Variants in BAZ1B observed in about 807,000 individuals in gnomAD.
The protein encoded by BAZ1B is tyrosine-protein kinase BAZ1B.
BAZ1B carries 22 observed loss-of-function variants against 153.8 expected under a neutral mutation model. That is an observed-to-expected ratio of 0.14 (90% CI 0.10 to 0.20). The LOEUF (loss-of-function observed/expected upper bound fraction) is 0.20, where lower values mean the gene tolerates loss of function less well. Among genes scored for constraint, BAZ1B ranks in the 10% least tolerant of loss-of-function variants. The pLI is 1.00. For missense variants in BAZ1B, 1,325 were observed against 1,799.3 expected, an observed-to-expected ratio of 0.74 and a Z score of 4.77; for synonymous variants, 676 against 633.4, an observed-to-expected ratio of 1.07 and a Z score of -1.01.
At chr7:73,510,638 C>G (rs1790541954) in intron 2 of BAZ1B, 98 bp downstream of exon 2, 2 of 1,157,288 alleles carry the variant, frequency 1.7e-6, no homozygotes, top group South Asian at 1.3e-5. Flanking sequence ...TAATTTGTGC[C>G]CCATAAACTT....
At chr7:73,494,426 A>C (rs1293560620) in intron 4 of BAZ1B, among the ~76,000 whole-genome samples, 27 of 152,056 alleles carry the variant, frequency 1.8e-4, no homozygotes, top group Admixed American at 1.3e-4. Flanking sequence ...ACTGAAGATA[A>C]GGAAATTGGA....
At chr7:73,499,558 C>T (rs1352965052) in intron 3 of BAZ1B, among the ~76,000 whole-genome samples, 2 of 152,062 alleles carry the variant, frequency 1.3e-5, no homozygotes, top group African/African-American at 4.8e-5. Context: ...TAAAATTAGC[C>T]AAGCATGATG....
rs782451163 is a variant in BAZ1B, at chr7:73,470,384, A to C, written c.2693T>G (p.Met898Arg). ...ATCTGTGCCAATAGGAGTCCTGCGC[A>C]TGACTAGTTTGGCCTTGGCAATCCC... ...QEGIAKAKLVMRRTPIGTDRN... is the reference protein window; with the variant it reads ...QEGIAKAKLVRRRTPIGTDRN... The change falls in exon 8 of 20, where the codon ATG becomes AGG. Residue 898 changes from methionine to arginine, a missense_variant. Around this residue, in one of 9 missense-constraint regions of BAZ1B, gnomAD observed 431 missense variants for 563.5 expected, o/e 0.76. Transcript: ENST00000339594. The C allele has an allele frequency of 2.5e-6, 4 of 1,614,140 alleles. No homozygotes were observed. The Admixed American group carries it at 6.7e-5, about 27-fold the overall frequency.
At chr7:73,502,140 C>T (rs548169535) in intron 3 of BAZ1B, among the ~76,000 whole-genome samples, 270 of 152,080 alleles carry the variant, frequency 1.8e-3, no homozygotes, top group Non-Finnish European at 2.8e-3. Flanking sequence ...CTGCCTGCCT[C>T]GGCCTCCCAA....
chr7:73,502,053 G>A (rs1277651244), intron 3 of BAZ1B, among the ~76,000 whole-genome samples: 8 of 151,884 alleles, frequency 5.3e-5, no homozygotes, highest in Admixed American at 2.6e-4. Context: ...ACCATGCCTG[G>A]CTAATTTTTG....
chr7:73,460,114 G>C (rs6980005), intron 12 of BAZ1B, among the ~76,000 whole-genome samples: 8 of 151,300 alleles, frequency 5.3e-5, no homozygotes, highest in African/African-American at 1.9e-4. Flanking sequence ...ACTTGAACCC[G>C]GGAGGAGGAG....
rs534221187 is a variant in BAZ1B at position 73,481,964 on chromosome 7, G to A, written c.892-3395C>T. On this transcript the variant is annotated intron_variant, in intron 6 of 19. Coordinates refer to ENST00000339594, the MANE Select transcript of BAZ1B (RefSeq NM_032408.4). ...TGAGGCAGGAGAATGGCGTGAACCC[G>A]GGAGGCGGAGCTCGCAGTGAGCCGA... is the stretch of plus-strand genomic sequence containing the variant. Among the ~76,000 whole-genome samples the A allele has an allele frequency of 1.4e-3, 208 of 152,268 alleles. 2 individuals are homozygous for A. The highest frequency in any genetic ancestry group is 0.012 in the Admixed American group (181 of 15,290).
intron 12 of BAZ1B, 120 bp downstream of exon 12, chr7:73,462,802 G>T: frequency 1.7e-6 from 2 of 1,157,078 alleles, no homozygotes; most frequent in Non-Finnish European, 1.3e-6. Flanking sequence ...TGTCTTCCAA[G>T]ACAAATCCAA....
chr7:73,491,658 C>T (rs925043291), intron 5 of BAZ1B, among the ~76,000 whole-genome samples: 4 of 152,066 alleles, frequency 2.6e-5, no homozygotes, highest in Admixed American at 6.6e-5. Context: ...CTTCTGATCA[C>T]GAACCATAAC....
At chr7:73,455,510 G>A (rs1379016012) in intron 13 of BAZ1B, among the ~76,000 whole-genome samples, 1 of 152,100 alleles carries the variant, frequency 6.6e-6, no homozygotes, top group East Asian at 1.9e-4. Context: ...GGCTGGGCGA[G>A]GTGGCTCATG....
intron 5 of BAZ1B, among the ~76,000 whole-genome samples, chr7:73,490,136 G>C (rs1262636486): frequency 1.3e-5 from 2 of 152,146 alleles, no homozygotes; most frequent in African/African-American, 4.8e-5. Context: ...TTAAAATGCA[G>C]ATGTTTGGGC....
chr7:73,494,956 G>A (rs1554576219), intron 4 of BAZ1B, among the ~76,000 whole-genome samples: 1 of 152,176 alleles, frequency 6.6e-6, no homozygotes, highest in East Asian at 1.9e-4. Context: ...GAAGAGTGAA[G>A]TCAATTCAGC....
rs141733911 is a variant in BAZ1B, at chr7:73,489,200, T to C, written c.885A>G (p.Pro295=). The change falls in exon 6 of 20, where the codon CCA becomes CCG. Residue 295 remains proline (P), a synonymous_variant. Transcript: ENST00000339594. ...PSKFSDFLLD[P]YKYMTLNPST... is the part of the protein sequence containing the mutation. ...AAATTAACAGTGACCTTACCTTGTA[T>C]GGATCAAGTAAAAAGTCACTGAACT... 46 of 1,614,064 alleles carry C rather than the reference T, an allele frequency of 2.8e-5. No homozygotes were observed. The highest frequency in any genetic ancestry group is 3.7e-5 in the Non-Finnish European group (44 of 1,180,002).
chr7:73,464,852 A>T (rs1788521289), intron 11 of BAZ1B, among the ~76,000 whole-genome samples: 2 of 151,880 alleles, frequency 1.3e-5, no homozygotes, highest in Admixed American at 1.3e-4. Context: ...CAGCCTCCCA[A>T]GTAGCTAAGA....
chr7:73,480,979 T>C (rs1271431938), intron 6 of BAZ1B, among the ~76,000 whole-genome samples: 4 of 152,126 alleles, frequency 2.6e-5, no homozygotes, highest in African/African-American at 4.8e-5. Context: ...CAGTCCGGAG[T>C]GCAGTAGCGC....
chr7:73,465,634 G>A (rs1381884079), intron 10 of BAZ1B, 97 bp from the exon 11 acceptor site: 6 of 702,188 alleles, frequency 8.5e-6, no homozygotes, highest in Admixed American at 8.2e-5. Flanking sequence ...TGGGACTTGG[G>A]AGAACAGAAT....
At chr7:73,509,505 A>G (rs1790488944) in intron 2 of BAZ1B, among the ~76,000 whole-genome samples, 3 of 152,052 alleles carry the variant, frequency 2.0e-5, no homozygotes, top group Admixed American at 2.0e-4. Context: ...GGATTGCTTG[A>G]GCCCAGGAGT....
intron 9 of BAZ1B, among the ~76,000 whole-genome samples, chr7:73,466,880 GC>G (rs1362124756): frequency 6.6e-6 from 1 of 152,064 alleles, no homozygotes; most frequent in Non-Finnish European, 1.5e-5. Flanking sequence ...TATATCTTGA[GC>G]CAATTTATCA....
At position 73,442,542 on chromosome 7, in the gene BAZ1B, G is replaced by A; in HGVS notation, c.4106C>T (p.Thr1369Ile). The stretch of plus-strand genomic sequence containing the variant: ...ATAGTAGTCCTCGGCCTCATCTCTG[G>A]TCACAGGCTCCCTGTGGAGAAGAAC... ...RFSWPFREPVTRDEAEDYYDV... is the reference protein window; with the variant it reads ...RFSWPFREPVIRDEAEDYYDV... Residue 1369 changes from threonine (T) to isoleucine (I), a missense_variant, in exon 19 of 20, where the codon ACC becomes ATC. By Grantham distance (89) the Thr-to-Ile change is moderately conservative (BLOSUM62 -1). Coordinates refer to ENST00000339594, the MANE Select transcript of BAZ1B (RefSeq NM_032408.4). 4 of 1,609,474 alleles carry A rather than the reference G, an allele frequency of 2.5e-6. No homozygotes were observed. The highest frequency in any genetic ancestry group is 3.4e-6 in the Non-Finnish European group (4 of 1,176,744).
Sources: gnomAD v4.1 joint callset for allele counts (sites outside exome capture counted in the v4.1 genomes callset) on GRCh38, gnomAD v4.1.1 for gene constraint, gnomAD v4.1.1 regional missense constraint, MANE v1.5 for transcripts, NCBI Gene and HGNC (gene_info 2026-07-23, HGNC 2026-07-21) for gene names.